Variants in PLCB4 observed in about 807,000 individuals in gnomAD.
PLCB4 encodes phospholipase C beta 4.
A neutral mutation model predicts 178.8 loss-of-function variants in PLCB4; 77 were observed. The ratio of observed to expected loss-of-function variants is 0.43; its 90% CI spans 0.36 to 0.52. The LOEUF (loss-of-function observed/expected upper bound fraction) is 0.52, where lower values mean the gene tolerates loss of function less well. Among genes scored for constraint, PLCB4 ranks in the 20% least tolerant of loss-of-function variants. PLCB4 has a pLI of 0.00. For missense variants in PLCB4, 1,024 were observed against 1,453.4 expected (o/e 0.70, Z 4.80); for synonymous variants, 496 against 490.8 (o/e 1.01, Z -0.14).
intron 2 of PLCB4, among the ~76,000 whole-genome samples, chr20:9,116,915 A>T (rs2091799880): frequency 6.6e-6 from 1 of 152,072 alleles, no homozygotes; most frequent in Non-Finnish European, 1.5e-5. Flanking sequence ...TTTTTATTCA[A>T]CTTATTTCTG....
chr20:9,092,365 C>T (rs2090722175), intron 1 of PLCB4, among the ~76,000 whole-genome samples: 1 of 152,028 alleles, frequency 6.6e-6, no homozygotes, highest in Non-Finnish European at 1.5e-5. Flanking sequence ...CTTGTTGTTT[C>T]TGATGCTTTT....
Position 9,314,548 on chromosome 20 carries a change from TG to T in PLCB4, c.84+6651del, listed in dbSNP as rs377651274. ...AGAGAATGCCAGAGAAGGGGGTACA[TG>T]TATGGATGCATTTATATTGTTTCTT... On this transcript the variant is annotated intron_variant, in intron 4 of 39. Coordinates refer to ENST00000378473, the MANE Select transcript of PLCB4 (RefSeq NM_001377142.1). 9.9e-5 allele frequency among the ~76,000 whole-genome samples: 15 copies of T among 152,252 alleles called. No homozygotes were observed. The East Asian group carries it at 2.1e-3, about 22-fold the overall frequency.
chr20:9,306,348 C>T (rs1452450294), intron 3 of PLCB4, among the ~76,000 whole-genome samples: 1 of 150,092 alleles, frequency 6.7e-6, no homozygotes. Flanking sequence ...CTCAGGTGAT[C>T]CACCCCCTCC....
In PLCB4 at chr20:9,408,626, T is replaced by A. The variant is rs1468961994; in HGVS notation, c.1790-7T>A. The A allele has an allele frequency of 5.4e-6, 8 of 1,490,708 alleles. No individual in the cohort carries two copies. In the Admixed American group the frequency reaches 1.3e-4, roughly 25 times the overall value. The allele number at this position is 1,490,708 out of a possible 1,614,324, so 92.3% of individuals were successfully genotyped here. On this transcript the variant is annotated splice_polypyrimidine_tract_variant and splice_region_variant and intron_variant, in intron 22 of 39. Transcript: ENST00000378473. ...TTCCTGAATCCATCTTTGCTTTTCT[T>A]TTACAGAACGCAATATTCATTATAA...
chr20:9,163,858 AT>A (rs1364304656), intron 2 of PLCB4, among the ~76,000 whole-genome samples: 1 of 152,162 alleles, frequency 6.6e-6, no homozygotes, highest in African/African-American at 2.4e-5. Flanking sequence ...ACAAAAGAAA[AT>A]ATCAAACCAG....
chr20:9,290,358 A>G (rs936702400), intron 3 of PLCB4, among the ~76,000 whole-genome samples: 4 of 152,090 alleles, frequency 2.6e-5, no homozygotes, highest in African/African-American at 9.7e-5. Context: ...TTGAATTAGA[A>G]GTTAAAGAAA....
At chr20:9,395,418 T>A (rs2038494936) in intron 18 of PLCB4, 105 bp from the exon 19 acceptor site, 1 of 752,868 alleles carries the variant, frequency 1.3e-6, no homozygotes, top group African/African-American at 1.7e-5. Context: ...CTGAACATTC[T>A]ATTTCTTCTC....
intron 4 of PLCB4, among the ~76,000 whole-genome samples, chr20:9,335,979 TA>T (rs1472225732): frequency 1.3e-5 from 2 of 152,222 alleles, no homozygotes; most frequent in Non-Finnish European, 2.9e-5. Context: ...TTTACCTTGA[TA>T]AATGTTGTTG....
chr20:9,087,539 C>T (rs2090488581), intron 1 of PLCB4, among the ~76,000 whole-genome samples: 1 of 152,234 alleles, frequency 6.6e-6, no homozygotes, highest in East Asian at 1.9e-4. Context: ...TTCCATTTTC[C>T]CATCCAGTTT....
At chr20:9,320,489 T>G (rs1431273794) in intron 4 of PLCB4, among the ~76,000 whole-genome samples, 1 of 152,126 alleles carries the variant, frequency 6.6e-6, no homozygotes, top group Non-Finnish European at 1.5e-5. Context: ...GCTGACCTCC[T>G]CTCTCATCCT....
At chr20:9,297,698 T>C (rs2094655187) in intron 3 of PLCB4, among the ~76,000 whole-genome samples, 1 of 151,974 alleles carries the variant, frequency 6.6e-6, no homozygotes, top group South Asian at 2.1e-4. Flanking sequence ...GCTTGAACCA[T>C]TCTAAAGTTG....
At chr20:9,391,448 C>T (rs573307649) in intron 17 of PLCB4, among the ~76,000 whole-genome samples, 6 of 152,092 alleles carry the variant, frequency 3.9e-5, no homozygotes, top group Non-Finnish European at 7.4e-5. Context: ...AACCTGGTAG[C>T]ATGAGGTAGT....
chr20:9,458,108 A>T (rs1182482377), intron 34 of PLCB4, among the ~76,000 whole-genome samples: 1 of 152,162 alleles, frequency 6.6e-6, no homozygotes, highest in Non-Finnish European at 1.5e-5. Flanking sequence ...AAAAGAAAAA[A>T]AAAACCAACA....
intron 3 of PLCB4, among the ~76,000 whole-genome samples, chr20:9,279,118 T>C (rs1482124683): frequency 6.6e-6 from 1 of 151,954 alleles, no homozygotes; most frequent in Non-Finnish European, 1.5e-5. Flanking sequence ...AAATTTGGAG[T>C]ATGTTATTTG....
chr20:9,213,172 C>T (rs2093691889), intron 2 of PLCB4, among the ~76,000 whole-genome samples: 1 of 104,092 alleles, frequency 9.6e-6, no homozygotes, highest in Admixed American at 1.3e-4. Context: ...CAAAGTCTCA[C>T]TCTATCACCC....
At chr20:9,408,458 A>G (rs1568760411) in intron 22 of PLCB4, among the ~76,000 whole-genome samples, 175 bp from the exon 23 acceptor site, 1 of 112,846 alleles carries the variant, frequency 8.9e-6, no homozygotes, top group East Asian at 3.4e-4. Flanking sequence ...GTGGCTGAAA[A>G]GACAGATGTC....
At chr20:9,409,661 C>A (rs1224806050) in intron 24 of PLCB4, among the ~76,000 whole-genome samples, 2 of 152,034 alleles carry the variant, frequency 1.3e-5, no homozygotes, top group Non-Finnish European at 2.9e-5. Flanking sequence ...AAGTAAATGC[C>A]ACTAAAATGG....
chr20:9,132,073 T>G (rs1236729357), intron 2 of PLCB4, among the ~76,000 whole-genome samples: 1 of 152,180 alleles, frequency 6.6e-6, no homozygotes, highest in African/African-American at 2.4e-5. Context: ...ACAGCCAACT[T>G]AATGAATTGT....
chr20:9,465,977 G>C (rs1024620371), intron 35 of PLCB4, among the ~76,000 whole-genome samples: 1 of 152,088 alleles, frequency 6.6e-6, no homozygotes, highest in Admixed American at 6.6e-5. Flanking sequence ...TCATTGCCAA[G>C]ACAATCCTAA....
Sources: gnomAD v4.1 joint callset for allele counts (sites outside exome capture counted in the v4.1 genomes callset) on GRCh38, gnomAD v4.1.1 for gene constraint, MANE v1.5 for transcripts, NCBI Gene and HGNC (gene_info 2026-07-23, HGNC 2026-07-21) for gene names.